NRXN1: variants seen among roughly 807,000 people sequenced by gnomAD.
NRXN1 encodes the protein neurexin 1.
In NRXN1, 39 loss-of-function variants were observed where a neutral mutation model predicts 150.9. The observed-to-expected ratio is 0.26, with a 90% CI of 0.20 to 0.34. NRXN1 has a LOEUF of 0.34. Ranked by LOEUF, NRXN1 falls within the 10% of genes least tolerant of loss-of-function variation. The pLI, the probability that NRXN1 is intolerant of heterozygous loss-of-function variation, is 1.00. For synonymous variants in NRXN1, 924 were observed against 757.0 expected (o/e 1.22, Z -3.62); for missense variants, 1,815 against 1,949.9 (o/e 0.93, Z 1.30).
intron 5 of NRXN1, among the ~76,000 whole-genome samples, chr2:50,816,555 T>G (rs1471647774): frequency 6.6e-6 from 1 of 152,186 alleles, no homozygotes; most frequent in Non-Finnish European, 1.5e-5. Flanking sequence ...GGATTTATCT[T>G]GCGTTATGCT....
intron 5 of NRXN1, among the ~76,000 whole-genome samples, chr2:50,635,063 C>G (rs1397566386): frequency 2.0e-5 from 3 of 152,152 alleles, no homozygotes; most frequent in Non-Finnish European, 4.4e-5. Flanking sequence ...TGAGTAATAC[C>G]GGCTAGGTGG....
intron 2 of NRXN1, among the ~76,000 whole-genome samples, chr2:50,970,182 T>A (rs1186169447): frequency 1.3e-5 from 2 of 152,160 alleles, no homozygotes; most frequent in Non-Finnish European, 2.9e-5. Context: ...TAGGTTTTTA[T>A]GGCTGGCTTT....
intron 5 of NRXN1, among the ~76,000 whole-genome samples, chr2:50,676,504 A>C (rs1689564529): frequency 6.6e-6 from 1 of 152,142 alleles, no homozygotes; most frequent in Non-Finnish European, 1.5e-5. Context: ...ATGACTACTT[A>C]TTCTCTTGGA....
chr2:50,834,916 C>A (rs947824072), intron 5 of NRXN1, among the ~76,000 whole-genome samples: 16 of 152,144 alleles, frequency 1.1e-4, no homozygotes, highest in African/African-American at 3.9e-4. Context: ...CACTTGAATG[C>A]AGTCAGTGTC....
chr2:50,796,582 C>A (rs929235028), intron 5 of NRXN1, among the ~76,000 whole-genome samples: 1 of 152,144 alleles, frequency 6.6e-6, no homozygotes, highest in Non-Finnish European at 1.5e-5. Flanking sequence ...AAAAGTTTGG[C>A]TTTCCCCTAA....
chr2:49,945,998 C>G (rs142484328), intron 21 of NRXN1, among the ~76,000 whole-genome samples: 2,983 of 152,178 alleles, frequency 0.02, 104 homozygotes, highest in African/African-American at 0.066. Flanking sequence ...ATTTACACTC[C>G]CACCAACAGT....
At position 50,526,898 on chromosome 2, in the gene NRXN1, A is replaced by T. The variant is rs1302785350; in HGVS notation, c.2374+1727T>A. On this transcript the variant is annotated intron_variant, in intron 12 of 22. Transcript: ENST00000401669. ...TATTATTCTGTGGAATATCCAGAGG[A>T]AAAATAAGACTGTCCTCAATACCAG... The T allele has an allele frequency of 2.6e-5, 4 of 152,196 alleles. No individual in the cohort carries two copies. In the East Asian group the frequency reaches 5.8e-4, roughly 22 times the overall value. The allele number at this position is 152,196 out of a possible 1,614,324, so 9.4% of individuals were successfully genotyped here. A position where few individuals can be genotyped will look rare whatever the true frequency, so the allele number is the denominator to read the frequency against.
chr2:50,816,914 A>AT (rs955062346), intron 5 of NRXN1, among the ~76,000 whole-genome samples: 24 of 152,188 alleles, frequency 1.6e-4, no homozygotes, highest in African/African-American at 5.1e-4. Context: ...AATAATACGG[A>AT]TTTTTTTAAC....
chr2:50,118,060 T>C (rs527419066), intron 18 of NRXN1, among the ~76,000 whole-genome samples: 1 of 152,290 alleles, frequency 6.6e-6, no homozygotes, highest in Admixed American at 6.5e-5. Context: ...GATTATGGTT[T>C]AGCAAATGAA....
intron 17 of NRXN1, among the ~76,000 whole-genome samples, chr2:50,403,817 T>C (rs2082557907): frequency 6.6e-6 from 1 of 152,086 alleles, no homozygotes; most frequent in Non-Finnish European, 1.5e-5. Flanking sequence ...GAAGAGATTT[T>C]AGAAAATAGA....
At chr2:50,437,715 T>C (rs2085567011) in intron 17 of NRXN1, among the ~76,000 whole-genome samples, 1 of 151,902 alleles carries the variant, frequency 6.6e-6, no homozygotes, top group Admixed American at 6.6e-5. Context: ...CATTTGTGTG[T>C]GTGTGTGTGT....
At chr2:50,220,001 T>TAA (rs1559116501) in intron 18 of NRXN1, among the ~76,000 whole-genome samples, 2 of 37,902 alleles carry the variant, frequency 5.3e-5, no homozygotes, top group African/African-American at 1.4e-4. Context: ...ATAATATATA[T>TAA]TATATAATAT....
intron 2 of NRXN1, among the ~76,000 whole-genome samples, chr2:50,971,399 A>G (rs970816721): frequency 6.6e-6 from 1 of 152,000 alleles, no homozygotes; most frequent in Non-Finnish European, 1.5e-5. Context: ...CCTGGCCAAC[A>G]TGGTGAAACC....
chr2:50,182,648 T>C (rs1476321419), intron 18 of NRXN1, among the ~76,000 whole-genome samples: 2 of 152,050 alleles, frequency 1.3e-5, no homozygotes, highest in Non-Finnish European at 2.9e-5. Flanking sequence ...AACCTGCTCA[T>C]TCCTTCTTCG....
intron 22 of NRXN1, among the ~76,000 whole-genome samples, chr2:49,934,844 A>G (rs1291508775): frequency 3.9e-5 from 6 of 152,308 alleles, no homozygotes; most frequent in Non-Finnish European, 8.8e-5. Flanking sequence ...CTCCAAAAAT[A>G]AAGTAAGAAG....
At chr2:50,931,727 C>G (rs17512799) in intron 2 of NRXN1, among the ~76,000 whole-genome samples, 22,249 of 152,014 alleles carry the variant, frequency 0.15, 2,065 homozygotes, top group Non-Finnish European at 0.2. Flanking sequence ...TTACATGTGT[C>G]AGTTTATGAC....
Position 49,943,784 on chromosome 2 carries a change from T to A in NRXN1, c.4136A>T (p.Asp1379Val). 1 of 1,609,134 alleles carries A rather than the reference T, an allele frequency of 6.2e-7. No individual in the cohort carries two copies. Among genetic ancestry groups the A allele is most frequent in the African/African-American group, 1.3e-5 (1 of 74,972 alleles). ...CTCTGCTGAGGCCACAAGGATGTCA[T>A]CTGTGGTCTGCAAAAGAATCACATT... is the stretch of plus-strand genomic sequence containing the variant. Reference protein sequence around the residue: ...PTKEPISQTTDDILVASAECP... With the variant: ...PTKEPISQTTVDILVASAECP... The change falls in exon 22 of 23, where the codon GAT becomes GTT. Residue 1379 changes from aspartate to valine, a missense_variant. Asp to Val is a radical substitution (Grantham distance 152, BLOSUM62 -3). Transcript: ENST00000401669.
At chr2:49,978,303 G>T (rs1200324731) in intron 21 of NRXN1, among the ~76,000 whole-genome samples, 1 of 152,196 alleles carries the variant, frequency 6.6e-6, no homozygotes, top group Non-Finnish European at 1.5e-5. Flanking sequence ...GAGCAAGAAA[G>T]TGAACAAATC....
intron 17 of NRXN1, among the ~76,000 whole-genome samples, chr2:50,255,455 C>A (rs957384939): frequency 1.3e-5 from 2 of 152,088 alleles, no homozygotes; most frequent in Admixed American, 6.6e-5. Context: ...AGTGTCAAAT[C>A]TTTTTTCTTT....
Sources: gnomAD v4.1 joint callset for allele counts (sites outside exome capture counted in the v4.1 genomes callset) on GRCh38, gnomAD v4.1.1 for gene constraint, MANE v1.5 for transcripts, NCBI Gene and HGNC (gene_info 2026-07-23, HGNC 2026-07-21) for gene names.